Variants in RHOT1 observed in about 807,000 individuals in gnomAD.
RHOT1 encodes the protein ras homolog family member T1.
In RHOT1, 27 loss-of-function variants were observed where a neutral mutation model predicts 95.3. That is an observed-to-expected ratio of 0.28 (90% CI 0.21 to 0.39). The LOEUF (loss-of-function observed/expected upper bound fraction) is 0.39, where lower values mean the gene tolerates loss of function less well. Among genes scored for constraint, RHOT1 ranks in the 10% least tolerant of loss-of-function variants. The probability of loss-of-function intolerance (pLI) is 1.00; values close to 1 mark genes in which losing one functional copy is unlikely to be tolerated. For missense variants in RHOT1, 578 were observed against 786.7 expected (o/e 0.73, Z 3.17); for synonymous variants, 227 against 263.5 (o/e 0.86, Z 1.34).
At chr17:32,147,880 A>G (rs918333128) in intron 1 of RHOT1, among the ~76,000 whole-genome samples, 6 of 152,036 alleles carry the variant, frequency 3.9e-5, no homozygotes, top group Non-Finnish European at 2.9e-5. Flanking sequence ...CTACCTGGGT[A>G]ATATTCTATG....
chr17:32,168,549 C>G (rs1258368264), intron 1 of RHOT1, among the ~76,000 whole-genome samples: 2 of 151,622 alleles, frequency 1.3e-5, no homozygotes, highest in East Asian at 3.9e-4. Flanking sequence ...GCTGGAATTA[C>G]AGGCATGAGC....
intron 1 of RHOT1, 34 bp from the exon 2 acceptor site, chr17:32,171,009 C>T (rs766649610): frequency 6.6e-7 from 1 of 1,523,026 alleles, no homozygotes; most frequent in Non-Finnish European, 9.0e-7. Context: ...TAGAACCTAA[C>T]ACTTTATTAA....
intron 11 of RHOT1, among the ~76,000 whole-genome samples, chr17:32,198,243 C>T (rs1450688670): frequency 1.3e-5 from 2 of 152,102 alleles, no homozygotes; most frequent in Non-Finnish European, 2.9e-5. Flanking sequence ...AGGGTGGGTC[C>T]AAAAGGTCAA....
At chr17:32,171,846 C>G (rs994538950) in intron 2 of RHOT1, among the ~76,000 whole-genome samples, 3 of 152,162 alleles carry the variant, frequency 2.0e-5, no homozygotes, top group African/African-American at 7.2e-5. Context: ...TTGCCTACCT[C>G]AAAGGATTGT....
chr17:32,196,992 G>A (rs1163030676), intron 11 of RHOT1, among the ~76,000 whole-genome samples: 20 of 151,600 alleles, frequency 1.3e-4, no homozygotes, highest in Admixed American at 1.3e-3. Flanking sequence ...GTGTAGTGGC[G>A]GGCACCTGTA....
At chr17:32,220,783 C>G (rs982659499) in intron 19 of RHOT1, among the ~76,000 whole-genome samples, 1 of 138,994 alleles carries the variant, frequency 7.2e-6, no homozygotes, top group African/African-American at 2.8e-5. Flanking sequence ...TTGCAGTGAG[C>G]TGAGATTGCG....
intron 19 of RHOT1, among the ~76,000 whole-genome samples, chr17:32,220,372 A>G (rs565315970): frequency 1.6e-3 from 245 of 152,344 alleles, no homozygotes; most frequent in Non-Finnish European, 2.9e-3. Context: ...TCTGAAAAGT[A>G]AAATAATAAA....
At chr17:32,153,913 G>A (rs72825787) in intron 1 of RHOT1, among the ~76,000 whole-genome samples, 3,618 of 152,256 alleles carry the variant, frequency 0.024, 61 homozygotes, top group Middle Eastern at 0.034. Context: ...ACAGGGCTTG[G>A]TGGACTTGAT....
At position 32,162,758 on chromosome 17, in the gene RHOT1, T is replaced by C. The variant is rs552065194; in HGVS notation, c.38-8285T>C. On this transcript the variant is annotated intron_variant, in intron 1 of 19. Coordinates refer to ENST00000545287, the MANE Select transcript of RHOT1 (RefSeq NM_001033566.3). ...TTGTGTCAATGTAGATTCATACATA[T>C]TAAGTATGTATCTTGGGTATAAATT... Among the ~76,000 whole-genome samples, 35 of 152,342 alleles carry C rather than the reference T, an allele frequency of 2.3e-4. No homozygotes were observed. In the South Asian group the frequency reaches 6.4e-3, roughly 28 times the overall value.
intron 1 of RHOT1, among the ~76,000 whole-genome samples, chr17:32,151,881 CA>C (rs60313146): frequency 0.026 from 1,590 of 60,814 alleles, 12 homozygotes; most frequent in African/African-American, 0.057. Flanking sequence ...GACTCCGTCT[CA>C]AAAAAAAAAA....
intron 1 of RHOT1, chr17:32,142,967 T>G: frequency 1.5e-4 from 107 of 695,202 alleles, no homozygotes; most frequent in East Asian, 3.4e-4. Flanking sequence ...GAGATCTCCT[T>G]TCCCTGTTCC....
intron 1 of RHOT1, among the ~76,000 whole-genome samples, chr17:32,161,228 T>C (rs186855278): frequency 6.6e-6 from 1 of 152,284 alleles, no homozygotes; most frequent in Non-Finnish European, 1.5e-5. Context: ...AGGATGTTGA[T>C]TGGTTGAGGA....
At chr17:32,155,624 CT>C (rs2142404185) in intron 1 of RHOT1, among the ~76,000 whole-genome samples, 1 of 151,784 alleles carries the variant, frequency 6.6e-6, no homozygotes, top group South Asian at 2.1e-4. Flanking sequence ...CTCACTGCAG[CT>C]TCGACTTCCC....
intron 13 of RHOT1, 90 bp downstream of exon 13, chr17:32,199,640 CATT>C (rs1360599334): frequency 1.1e-5 from 12 of 1,130,550 alleles, no homozygotes; most frequent in Non-Finnish European, 1.5e-5. Flanking sequence ...GCTTGTGAGG[CATT>C]ATGAAATTCT....
At chr17:32,146,150 C>G (rs2031296881) in intron 1 of RHOT1, among the ~76,000 whole-genome samples, 1 of 152,194 alleles carries the variant, frequency 6.6e-6, no homozygotes, top group African/African-American at 2.4e-5. Flanking sequence ...CTTCATTGCT[C>G]TCTCTATAAG....
In RHOT1 at chr17:32,202,767, T is replaced by C. The variant is rs1313625186; in HGVS notation, c.1202-3T>C. On this transcript the variant is annotated splice_polypyrimidine_tract_variant and splice_region_variant and intron_variant, in intron 14 of 19. Coordinates refer to ENST00000545287, the MANE Select transcript of RHOT1 (RefSeq NM_001033566.3). ...TGGGGTTTTTTATTATTATTATTTT[T>C]AGTGACAAGAGATAAAAAGATAGAC... 1 of 1,564,996 alleles carries C rather than the reference T, an allele frequency of 6.4e-7. No homozygotes were observed. The highest frequency in any genetic ancestry group is 1.9e-5 in the Admixed American group (1 of 52,126).
intron 19 of RHOT1, among the ~76,000 whole-genome samples, chr17:32,224,243 A>C (rs1218850979): frequency 6.6e-6 from 1 of 152,220 alleles, no homozygotes; most frequent in Non-Finnish European, 1.5e-5. Flanking sequence ...TTTAACCATG[A>C]ATATGATCCT....
chr17:32,204,543 G>GAA (rs58323302), intron 16 of RHOT1, among the ~76,000 whole-genome samples: 22 of 54,852 alleles, frequency 4.0e-4, no homozygotes, highest in African/African-American at 9.3e-4. Flanking sequence ...TCCATCTCCA[G>GAA]AAAAAAAAAA....
intron 18 of RHOT1, among the ~76,000 whole-genome samples, chr17:32,210,118 G>T (rs1008425739): frequency 3.3e-5 from 5 of 152,028 alleles, no homozygotes; most frequent in African/African-American, 1.2e-4. Flanking sequence ...AAGTCAGATT[G>T]GGCCAGTCTT....
Sources: gnomAD v4.1 joint callset for allele counts (sites outside exome capture counted in the v4.1 genomes callset) on GRCh38, gnomAD v4.1.1 for gene constraint, MANE v1.5 for transcripts, NCBI Gene and HGNC (gene_info 2026-07-23, HGNC 2026-07-21) for gene names.